VPS50: variants seen among roughly 807,000 people sequenced by gnomAD.
The protein encoded by VPS50 is syndetin.
Under a neutral mutation model 139.7 loss-of-function variants are expected in VPS50, and 70 were observed. That is an observed-to-expected ratio of 0.50 (90% confidence interval 0.41 to 0.61). The LOEUF is 0.61. VPS50 is among the 20% of genes least tolerant of loss of function. The pLI is 0.00. For missense variants in VPS50, 921 were observed against 1,133.7 expected (o/e 0.81, Z 2.69); for synonymous variants, 365 against 376.7 (o/e 0.97, Z 0.36).
intron 12 of VPS50, among the ~76,000 whole-genome samples, chr7:93,288,456 T>C (rs1019920531): frequency 2.6e-5 from 4 of 152,168 alleles, no homozygotes; most frequent in African/African-American, 7.2e-5. Context: ...TGCATATGTA[T>C]TTTCACATTG....
At chr7:93,245,432 TAGAG>T (rs1401877477) in intron 2 of VPS50, among the ~76,000 whole-genome samples, 1 of 151,854 alleles carries the variant, frequency 6.6e-6, no homozygotes, top group Non-Finnish European at 1.5e-5. Context: ...TGTTTTCTTT[TAGAG>T]AAAGTGTCTG....
rs562832365 is a variant in VPS50, at chr7:93,324,755, C to T, written c.1977+1023C>T. On this transcript the variant is annotated intron_variant, in intron 21 of 27. Coordinates refer to ENST00000305866, the MANE Select transcript of VPS50 (RefSeq NM_017667.4). Reference sequence around the variant, plus strand: ...TTACAAGGGATGTGAAGGACCTCTTCAAGGAGAACTACAAACCACTGCTCA... The same window carrying T: ...TTACAAGGGATGTGAAGGACCTCTTTAAGGAGAACTACAAACCACTGCTCA... Among the ~76,000 whole-genome samples, 44 of 152,132 alleles carry T rather than the reference C, an allele frequency of 2.9e-4. No homozygotes were observed. In the East Asian group the frequency reaches 8.1e-3, roughly 28 times the overall value.
intron 21 of VPS50, among the ~76,000 whole-genome samples, chr7:93,325,546 A>G (rs1047262461): frequency 5.9e-5 from 9 of 151,994 alleles, no homozygotes; most frequent in Admixed American, 1.3e-4. Context: ...TTCACAACCT[A>G]CTCATCTGAC....
At chr7:93,252,603 A>G (rs1437654335) in intron 2 of VPS50, 50 bp from the exon 3 acceptor site, 3 of 1,254,912 alleles carry the variant, frequency 2.4e-6, no homozygotes, top group African/African-American at 3.0e-5. Flanking sequence ...CCATGCAGAT[A>G]TAATTTTAAC....
intron 13 of VPS50, among the ~76,000 whole-genome samples, chr7:93,292,118 A>G (rs1796664984): frequency 1.3e-5 from 2 of 152,012 alleles, no homozygotes; most frequent in South Asian, 4.1e-4. Flanking sequence ...GTTGTTGTTA[A>G]TATTATTAGT....
intron 25 of VPS50, 118 bp from the exon 26 acceptor site, chr7:93,353,522 G>A (rs1798615529): frequency 8.8e-7 from 1 of 1,134,014 alleles, no homozygotes; most frequent in Non-Finnish European, 1.3e-6. Context: ...TATCTTTTTT[G>A]ATTTTACTTG....
chr7:93,234,024 G>A (rs576278684), intron 1 of VPS50, among the ~76,000 whole-genome samples: 1 of 152,318 alleles, frequency 6.6e-6, no homozygotes, highest in African/African-American at 2.4e-5. Context: ...CAATAGATAA[G>A]TTCATGCTGA....
chr7:93,282,800 C>T (rs1012814721), intron 12 of VPS50, among the ~76,000 whole-genome samples: 1 of 152,144 alleles, frequency 6.6e-6, no homozygotes, highest in African/African-American at 2.4e-5. Flanking sequence ...AAGAGAGAAA[C>T]CTTTTCACTT....
At chr7:93,344,043 TAA>T (rs1382169393) in intron 23 of VPS50, among the ~76,000 whole-genome samples, 3 of 152,016 alleles carry the variant, frequency 2.0e-5, no homozygotes, top group Non-Finnish European at 2.9e-5. Context: ...GCAAATTGGA[TAA>T]AGAGTCAAGA....
At chr7:93,342,160 C>A (rs556467394) in intron 23 of VPS50, among the ~76,000 whole-genome samples, 1 of 152,338 alleles carries the variant, frequency 6.6e-6, no homozygotes, top group South Asian at 2.1e-4. Context: ...CATTGCCTCA[C>A]TAGGGAAGCA....
chr7:93,306,458 T>C (rs2116976845), intron 18 of VPS50, among the ~76,000 whole-genome samples: 1 of 152,050 alleles, frequency 6.6e-6, no homozygotes, highest in South Asian at 2.1e-4. Flanking sequence ...CTGGCAGGGA[T>C]ATTTTTTGAG....
chr7:93,247,920 G>GT (rs1394172213), intron 2 of VPS50, among the ~76,000 whole-genome samples: 4 of 151,740 alleles, frequency 2.6e-5, no homozygotes, highest in Admixed American at 6.6e-5. Context: ...TTTAATTGTA[G>GT]TTTTTTTCTC....
chr7:93,242,806 G>C (rs1469006902), intron 2 of VPS50, among the ~76,000 whole-genome samples: 2 of 151,858 alleles, frequency 1.3e-5, no homozygotes, highest in Admixed American at 1.3e-4. Context: ...AGGTTAGTTT[G>C]GGTTCTGTTA....
intron 20 of VPS50, 58 bp downstream of exon 20, chr7:93,311,330 G>A (rs1245345444): frequency 1.2e-6 from 1 of 815,202 alleles, no homozygotes; most frequent in Non-Finnish European, 2.2e-6. Context: ...GTTACCGAAT[G>A]ACTTTTACTT....
intron 20 of VPS50, among the ~76,000 whole-genome samples, chr7:93,312,544 T>C (rs1209247586): frequency 1.3e-5 from 2 of 152,184 alleles, no homozygotes; most frequent in Non-Finnish European, 2.9e-5. Context: ...AACCTGTCTC[T>C]CTGTGATTCT....
At chr7:93,282,210 A>C (rs1224909851) in intron 12 of VPS50, among the ~76,000 whole-genome samples, 2 of 152,106 alleles carry the variant, frequency 1.3e-5, no homozygotes, top group South Asian at 2.1e-4. Flanking sequence ...TCTCAAAAAA[A>C]AAAAAACAAA....
chr7:93,342,306 G>T (rs539074033), intron 23 of VPS50, among the ~76,000 whole-genome samples: 2 of 152,184 alleles, frequency 1.3e-5, no homozygotes, highest in East Asian at 1.9e-4. Context: ...ATTATATCCC[G>T]CACCTGGCTC....
At chr7:93,240,917 C>T (rs570968248) in intron 2 of VPS50, among the ~76,000 whole-genome samples, 282 of 152,136 alleles carry the variant, frequency 1.9e-3, no homozygotes, top group Middle Eastern at 3.4e-3. Context: ...TTATAACCAA[C>T]CCTTTTGCAT....
intron 8 of VPS50, among the ~76,000 whole-genome samples, chr7:93,258,698 G>C (rs1795570700): frequency 6.6e-6 from 1 of 151,988 alleles, no homozygotes; most frequent in South Asian, 2.1e-4. Context: ...CTAACATATA[G>C]TAGTAATTTA....
Sources: allele counts gnomAD v4.1 joint callset (sites outside exome capture counted in the v4.1 genomes callset), GRCh38; gene constraint gnomAD v4.1.1; transcripts MANE v1.5; gene names NCBI Gene and HGNC (gene_info 2026-07-23, HGNC 2026-07-21).